SORCS1: variants seen among roughly 807,000 people sequenced by gnomAD.
The protein encoded by SORCS1 is VPS10 domain-containing receptor SorCS1.
A neutral mutation model predicts 146.1 loss-of-function variants in SORCS1; 60 were observed. That is an observed-to-expected ratio of 0.41 (90% CI 0.33 to 0.51). SORCS1 has a LOEUF of 0.51. Ranked by LOEUF, SORCS1 falls within the 20% of genes least tolerant of loss-of-function variation. The pLI is 0.21. For missense variants in SORCS1, 1,352 were observed against 1,487.6 expected (o/e 0.91, Z 1.50); for synonymous variants, 637 against 584.0 (o/e 1.09, Z -1.31).
At chr10:107,085,227 C>T (rs562839953) in intron 1 of SORCS1, among the ~76,000 whole-genome samples, 4 of 152,290 alleles carry the variant, frequency 2.6e-5, no homozygotes, top group Non-Finnish European at 4.4e-5. Context: ...CACTCTATCT[C>T]GAGGACCCTG....
At chr10:106,671,083 AC>A (rs1383469790) in intron 16 of SORCS1, among the ~76,000 whole-genome samples, 153 bp downstream of exon 16, 1 of 152,092 alleles carries the variant, frequency 6.6e-6, no homozygotes, top group African/African-American at 2.4e-5. Flanking sequence ...ATACACATAC[AC>A]ATAGCTAGTA....
intron 1 of SORCS1, among the ~76,000 whole-genome samples, chr10:107,120,189 T>C (rs547340930): frequency 6.3e-4 from 96 of 152,288 alleles, no homozygotes; most frequent in Admixed American, 1.6e-3. Context: ...GAAGTCGAGA[T>C]TTTTGAGGGT....
chr10:106,741,494 A>T (rs1857360228), intron 5 of SORCS1, among the ~76,000 whole-genome samples: 1 of 152,172 alleles, frequency 6.6e-6, no homozygotes, highest in Admixed American at 6.5e-5. Context: ...GCTACCTGGG[A>T]GGGTGAGGCA....
intron 3 of SORCS1, among the ~76,000 whole-genome samples, chr10:106,786,532 C>T (rs544393120): frequency 2.6e-5 from 4 of 152,204 alleles, no homozygotes; most frequent in Admixed American, 2.0e-4. Flanking sequence ...GTGGAAGGTG[C>T]AAAGCTTTGC....
chr10:107,115,102 A>G (rs373993929), intron 1 of SORCS1, among the ~76,000 whole-genome samples: 3 of 152,092 alleles, frequency 2.0e-5, no homozygotes, highest in South Asian at 2.1e-4. Flanking sequence ...GATATCAAAG[A>G]AGACATAAAC....
At chr10:106,898,309 A>G (rs1360061977) in intron 2 of SORCS1, among the ~76,000 whole-genome samples, 1 of 152,118 alleles carries the variant, frequency 6.6e-6, no homozygotes, top group East Asian at 1.9e-4. Flanking sequence ...AAATAAACCC[A>G]CTTACAGCAG....
intron 6 of SORCS1, among the ~76,000 whole-genome samples, chr10:106,719,662 C>T (rs758924132): frequency 6.6e-5 from 10 of 152,090 alleles, no homozygotes; most frequent in Non-Finnish European, 1.2e-4. Context: ...CCACCTGCCT[C>T]GGCCTTCCAA....
At chr10:107,099,987 ACT>A (rs1452809741) in intron 1 of SORCS1, among the ~76,000 whole-genome samples, 1 of 152,044 alleles carries the variant, frequency 6.6e-6, no homozygotes, top group Non-Finnish European at 1.5e-5. Context: ...GTAAATGGAA[ACT>A]CTCTTGCATT....
intron 18 of SORCS1, among the ~76,000 whole-genome samples, chr10:106,635,247 G>T (rs1304393285): frequency 6.6e-6 from 1 of 152,102 alleles, no homozygotes; most frequent in African/African-American, 2.4e-5. Flanking sequence ...GTCCCTTAAG[G>T]CATCAGAGAC....
chr10:107,124,596 A>G (rs1966597700), intron 1 of SORCS1, among the ~76,000 whole-genome samples: 1 of 152,102 alleles, frequency 6.6e-6, no homozygotes, highest in African/African-American at 2.4e-5. Context: ...TTTGCTGGGA[A>G]CTGGTGGTCG....
chr10:106,613,279 C>T (rs1847129121), intron 21 of SORCS1, among the ~76,000 whole-genome samples: 1 of 152,100 alleles, frequency 6.6e-6, no homozygotes, highest in Non-Finnish European at 1.5e-5. Flanking sequence ...GGGGAATTCT[C>T]TGTGCGAGAA....
At chr10:107,167,728 A>T (rs376421209), upstream of SORCS1, among the ~76,000 whole-genome samples, 41 of 152,216 alleles carry the variant, frequency 2.7e-4, no homozygotes, top group East Asian at 6.9e-3. Flanking sequence ...TTGCTAAAAT[A>T]TTTAATTATT....
intron 2 of SORCS1, among the ~76,000 whole-genome samples, chr10:106,892,895 C>CTT (rs11352487): frequency 2.2e-4 from 30 of 137,198 alleles, no homozygotes; most frequent in Middle Eastern, 7.4e-3. Flanking sequence ...TTGGAAAGCC[C>CTT]TTTTTTTTTT....
chr10:107,099,213 C>T (rs567585274), intron 1 of SORCS1, among the ~76,000 whole-genome samples: 2 of 152,316 alleles, frequency 1.3e-5, no homozygotes, highest in East Asian at 3.9e-4. Flanking sequence ...CAGCTTGATA[C>T]AGGATATTTT....
chr10:106,694,274 A>G (rs1168468004), intron 9 of SORCS1, among the ~76,000 whole-genome samples: 1 of 152,004 alleles, frequency 6.6e-6, no homozygotes, highest in Non-Finnish European at 1.5e-5. Context: ...TATTATTATT[A>G]TTTTTCCTTT....
At chr10:107,099,789 T>A (rs1357304734) in intron 1 of SORCS1, among the ~76,000 whole-genome samples, 2 of 152,226 alleles carry the variant, frequency 1.3e-5, no homozygotes, top group African/African-American at 4.8e-5. Context: ...TTTGTATGGT[T>A]TAGTGCATAC....
chr10:107,012,887 G>C (rs1957746865), intron 1 of SORCS1, among the ~76,000 whole-genome samples: 1 of 152,056 alleles, frequency 6.6e-6, no homozygotes, highest in Admixed American at 6.6e-5. Flanking sequence ...CAAATATGAA[G>C]GATGCATCCT....
chr10:106,934,714 T>C (rs898037403), intron 2 of SORCS1, among the ~76,000 whole-genome samples: 2 of 152,192 alleles, frequency 1.3e-5, no homozygotes, highest in Non-Finnish European at 2.9e-5. Flanking sequence ...ATGTACATCA[T>C]AGAATACTAC....
chr10:106,778,580 T>C (rs1184398888), intron 3 of SORCS1, among the ~76,000 whole-genome samples: 1 of 152,226 alleles, frequency 6.6e-6, no homozygotes, highest in Non-Finnish European at 1.5e-5. Flanking sequence ...AGTGAGTTCA[T>C]ATTTATGAAT....
Sources: gnomAD v4.1 joint callset for allele counts (sites outside exome capture counted in the v4.1 genomes callset) on GRCh38, gnomAD v4.1.1 for gene constraint, MANE v1.5 for transcripts, NCBI Gene and HGNC (gene_info 2026-07-23, HGNC 2026-07-21) for gene names.